The following CADM1 variants were observed in gnomAD, a reference collection of about 807,000 sequenced individuals.
CADM1 encodes the protein TSLC-1.
CADM1 carries 15 observed loss-of-function variants against 53.1 expected under a neutral mutation model. The observed-to-expected ratio is 0.28, with a 90% CI of 0.19 to 0.44. The LOEUF (loss-of-function observed/expected upper bound fraction) is 0.44. Ranked by LOEUF, CADM1 falls within the 20% of genes least tolerant of loss-of-function variation. The pLI, the probability that CADM1 is intolerant of heterozygous loss-of-function variation, is 1.00. For synonymous variants in CADM1, 281 were observed against 243.0 expected (o/e 1.16, Z -1.45); for missense variants, 434 against 611.3 (o/e 0.71, Z 3.06).
chr11:115,212,685 C>T (rs1565301225), intron 7 of CADM1, among the ~76,000 whole-genome samples: 1 of 152,186 alleles, frequency 6.6e-6, no homozygotes, highest in Non-Finnish European at 1.5e-5. Flanking sequence ...CAAAGAAAGA[C>T]ATACTTTGTT....
intron 1 of CADM1, among the ~76,000 whole-genome samples, chr11:115,305,900 C>CAAAAAAAAAA (rs35517673): frequency 2.2e-4 from 18 of 80,794 alleles, no homozygotes; most frequent in Admixed American, 3.0e-4. Flanking sequence ...GACTCCATCT[C>CAAAAAAAAAA]AAAAAAAAAA....
intron 1 of CADM1, among the ~76,000 whole-genome samples, chr11:115,310,718 T>C (rs554809510): frequency 6.6e-6 from 1 of 152,294 alleles, no homozygotes; most frequent in East Asian, 1.9e-4. Context: ...GGTTATCTGA[T>C]ACATGGCCTC....
chr11:115,485,549 C>T (rs1591295330), intron 1 of CADM1, among the ~76,000 whole-genome samples: 1 of 152,114 alleles, frequency 6.6e-6, no homozygotes, highest in Non-Finnish European at 1.5e-5. Flanking sequence ...GGGGCGGTTT[C>T]CCCCATACTG....
At chr11:115,297,176 T>C (rs979233775) in intron 1 of CADM1, among the ~76,000 whole-genome samples, 9 of 152,214 alleles carry the variant, frequency 5.9e-5, no homozygotes, top group Admixed American at 3.9e-4. Context: ...AATGGTTCAG[T>C]TCAAGTTTAT....
chr11:115,451,159 G>T (rs923190986), intron 1 of CADM1, among the ~76,000 whole-genome samples: 2 of 152,164 alleles, frequency 1.3e-5, no homozygotes, highest in African/African-American at 2.4e-5. Context: ...GAGATAGAAG[G>T]GAGGAAAATG....
At chr11:115,284,104 CTCTCTCTCTCTGTGTGTG>C (rs1336059644) in intron 1 of CADM1, among the ~76,000 whole-genome samples, 1,370 of 136,132 alleles carry the variant, frequency 0.01, 19 homozygotes, top group Middle Eastern at 0.053. Context: ...CTCTCTCTCT[CTCTCTCTCTCTGTGTGTG>C]TGTGTGTGTG....
chr11:115,451,344 T>A (rs552192046), intron 1 of CADM1, among the ~76,000 whole-genome samples: 1 of 152,226 alleles, frequency 6.6e-6, no homozygotes, highest in South Asian at 2.1e-4. Context: ...TCTGCATTGA[T>A]ACAGGTATGT....
intron 6 of CADM1, among the ~76,000 whole-genome samples, chr11:115,216,721 A>G (rs1312465409): frequency 1.3e-5 from 2 of 152,188 alleles, no homozygotes; most frequent in Non-Finnish European, 2.9e-5. Context: ...CACAGAGGGA[A>G]GGAAATTCCA....
intron 1 of CADM1, among the ~76,000 whole-genome samples, chr11:115,273,382 T>C (rs571382509): frequency 1.3e-5 from 2 of 152,326 alleles, no homozygotes; most frequent in South Asian, 4.1e-4. Context: ...GAACACATTA[T>C]TCGATTCTGT....
chr11:115,267,395 CG>C (rs375425768), intron 1 of CADM1, among the ~76,000 whole-genome samples: 1 of 152,242 alleles, frequency 6.6e-6, no homozygotes, highest in Non-Finnish European at 1.5e-5. Flanking sequence ...TTTTAGCAGC[CG>C]TATTCTCAGA....
At chr11:115,487,195 T>A (rs1295729244) in intron 1 of CADM1, among the ~76,000 whole-genome samples, 2 of 152,136 alleles carry the variant, frequency 1.3e-5, no homozygotes, top group African/African-American at 2.4e-5. Context: ...TCAAAGAGAA[T>A]CTTATGGGGG....
intron 1 of CADM1, among the ~76,000 whole-genome samples, chr11:115,426,587 T>G (rs1237502872): frequency 6.6e-6 from 1 of 152,170 alleles, no homozygotes; most frequent in Non-Finnish European, 1.5e-5. Flanking sequence ...GAAACACCTG[T>G]GGCTGGAGAA....
chr11:115,297,430 C>G (rs1319426698), intron 1 of CADM1, among the ~76,000 whole-genome samples: 1 of 152,172 alleles, frequency 6.6e-6, no homozygotes, highest in Non-Finnish European at 1.5e-5. Context: ...GATACCTACT[C>G]GGTGTTTGTG....
chr11:115,218,071 C>A, intron 5 of CADM1, 80 bp from the exon 6 acceptor site: 1 of 904,192 alleles, frequency 1.1e-6, no homozygotes, highest in Non-Finnish European at 1.8e-6. Flanking sequence ...TGCCTCAAAA[C>A]CACAGTACCA....
chr11:115,503,578 G>A (rs1022384876), intron 1 of CADM1, among the ~76,000 whole-genome samples: 5 of 152,070 alleles, frequency 3.3e-5, no homozygotes, highest in African/African-American at 7.2e-5. Context: ...CCGCGGGGCC[G>A]GGCCGGGGAA....
At chr11:115,252,152 GC>G (rs1942625769) in intron 1 of CADM1, among the ~76,000 whole-genome samples, 1 of 152,198 alleles carries the variant, frequency 6.6e-6, no homozygotes, top group Non-Finnish European at 1.5e-5. Context: ...GTAGTTCTGA[GC>G]TTACTGGTGG....
At chr11:115,311,517 G>A (rs150932705) in intron 1 of CADM1, among the ~76,000 whole-genome samples, 32 of 151,762 alleles carry the variant, frequency 2.1e-4, no homozygotes, top group South Asian at 2.1e-3. Context: ...TTCATATCCC[G>A]TAAATACTAT....
chr11:115,220,325 C>T (rs1405514004), intron 5 of CADM1, among the ~76,000 whole-genome samples: 2 of 152,046 alleles, frequency 1.3e-5, no homozygotes, highest in African/African-American at 2.4e-5. Flanking sequence ...TAGTTAAATG[C>T]TTTTTTATGT....
At chr11:115,361,950 T>C (rs1175014450) in intron 1 of CADM1, among the ~76,000 whole-genome samples, 2 of 152,060 alleles carry the variant, frequency 1.3e-5, no homozygotes, top group East Asian at 3.9e-4. Context: ...CTGTTGCCCA[T>C]GCTGATCTCA....
Sources: allele counts gnomAD v4.1 joint callset (sites outside exome capture counted in the v4.1 genomes callset), GRCh38; gene constraint gnomAD v4.1.1; transcripts MANE v1.5; gene names NCBI Gene and HGNC (gene_info 2026-07-23, HGNC 2026-07-21).